The following SLC49A4 variants were observed in gnomAD, a reference collection of about 807,000 sequenced individuals.
SLC49A4 encodes disrupted in renal cancer protein 2.
SLC49A4 carries 36 observed loss-of-function variants against 50.6 expected under a neutral mutation model. That is an observed-to-expected ratio of 0.71 (90% confidence interval 0.55 to 0.94). SLC49A4 has a LOEUF of 0.94. Among genes scored for constraint, SLC49A4 ranks in the 40% least tolerant of loss-of-function variants. The probability of loss-of-function intolerance (pLI) is 0.00; values close to 1 mark genes in which losing one functional copy is unlikely to be tolerated. For missense variants in SLC49A4, 503 were observed against 605.7 expected (o/e 0.83, Z 1.78); for synonymous variants, 248 against 241.2 (o/e 1.03, Z -0.26).
At chr3:122,823,339 C>T (rs1269355982) in intron 2 of SLC49A4, among the ~76,000 whole-genome samples, 1 of 152,228 alleles carries the variant, frequency 6.6e-6, no homozygotes, top group Non-Finnish European at 1.5e-5. Flanking sequence ...ATGCAAAGCC[C>T]TGATATATAG....
intron 3 of SLC49A4, among the ~76,000 whole-genome samples, chr3:122,828,323 G>A (rs1317751729): frequency 3.3e-5 from 5 of 152,174 alleles, no homozygotes; most frequent in Non-Finnish European, 7.4e-5. Flanking sequence ...GCTCGGAGAA[G>A]GAGCACCTAA....
intron 7 of SLC49A4, among the ~76,000 whole-genome samples, chr3:122,862,525 T>G (rs1279463386): frequency 6.6e-6 from 1 of 152,214 alleles, no homozygotes; most frequent in Non-Finnish European, 1.5e-5. Flanking sequence ...GAGCCAGAAT[T>G]TTTTTAAAAT....
chr3:122,799,901 A>G (rs1011463354), intron 1 of SLC49A4, among the ~76,000 whole-genome samples: 2 of 152,226 alleles, frequency 1.3e-5, no homozygotes, highest in Admixed American at 6.5e-5. Flanking sequence ...TACAGCTTCA[A>G]TTTACTAAGT....
At chr3:122,797,417 T>G (rs536755161) in intron 1 of SLC49A4, among the ~76,000 whole-genome samples, 1 of 152,308 alleles carries the variant, frequency 6.6e-6, no homozygotes, top group Non-Finnish European at 1.5e-5. Context: ...GAAGATCAAG[T>G]CAAAGAGGAA....
chr3:122,853,651 T>A (rs2107577080), intron 5 of SLC49A4, among the ~76,000 whole-genome samples: 1 of 152,266 alleles, frequency 6.6e-6, no homozygotes, highest in South Asian at 2.1e-4. Flanking sequence ...TCCCAGCTAC[T>A]TGGGAGTCTG....
intron 6 of SLC49A4, 142 bp from the exon 7 acceptor site, chr3:122,859,933 A>G (rs1304221428): frequency 1.3e-6 from 1 of 766,600 alleles, no homozygotes; most frequent in East Asian, 3.3e-5. Context: ...ATACAAGAAA[A>G]TTTGTTTTAA....
At position 122,875,169 on chromosome 3, in the gene SLC49A4, C is replaced by T. The variant is rs552429655; in HGVS notation, c.1321+2572C>T. On this transcript the variant is annotated intron_variant, in intron 8 of 8. Coordinates refer to ENST00000261038, the MANE Select transcript of SLC49A4 (RefSeq NM_032839.3). ...ATCTAAAAATTCTGTAAAACTGTTTCCTAACAATAACTGTTAGTTCCACAG... is the reference window on the plus strand; with the variant it reads ...ATCTAAAAATTCTGTAAAACTGTTTTCTAACAATAACTGTTAGTTCCACAG... 1.2e-3 allele frequency among the ~76,000 whole-genome samples: 179 copies of T among 152,238 alleles called. 1 individual carries two copies. Among genetic ancestry groups the T allele is most frequent in the Non-Finnish European group, 2.2e-3 (153 of 68,016 alleles).
chr3:122,833,428 G>A lies in SLC49A4; in HGVS notation c.815G>A (p.Ser272Asn), dbSNP rs775894529. The change falls in exon 4 of 9, where the codon AGC becomes AAC. Residue 272 changes from serine to asparagine, a missense_variant. Physicochemically the swap from Ser to Asn is conservative, Grantham distance 46. Transcript: ENST00000261038. ...AGCCAGCGGCTGAGTTATCGGAGAAGCGTTTGTAGATTATTAAGGTAAATA... is the reference window on the plus strand; with the variant it reads ...AGCCAGCGGCTGAGTTATCGGAGAAACGTTTGTAGATTATTAAGGTAAATA... ...AASQRLSYRRSVCRLLSNFRF... is the reference protein window; with the variant it reads ...AASQRLSYRRNVCRLLSNFRF... 6.2e-7 allele frequency: 1 copy of A among 1,613,432 alleles called. No homozygotes were observed. Among genetic ancestry groups the A allele is most frequent in the South Asian group, 1.1e-5 (1 of 91,074 alleles).
chr3:122,851,905 A>G (rs1235186057), intron 5 of SLC49A4, among the ~76,000 whole-genome samples: 1 of 150,388 alleles, frequency 6.6e-6, no homozygotes, highest in Non-Finnish European at 1.5e-5. Context: ...TTTTCTTCCA[A>G]CTCACTATTT....
intron 4 of SLC49A4, among the ~76,000 whole-genome samples, chr3:122,834,892 A>T (rs1002189881): frequency 3.3e-5 from 5 of 152,168 alleles, no homozygotes; most frequent in African/African-American, 1.2e-4. Context: ...CCACAGAAAT[A>T]CAAAAGATCA....
intron 7 of SLC49A4, among the ~76,000 whole-genome samples, chr3:122,868,908 C>A (rs1937156518): frequency 6.6e-6 from 1 of 152,116 alleles, no homozygotes; most frequent in African/African-American, 2.4e-5. Flanking sequence ...CATATAGTAG[C>A]CCATTTGTCC....
intron 2 of SLC49A4, among the ~76,000 whole-genome samples, chr3:122,808,638 G>A (rs1054065160): frequency 6.6e-6 from 1 of 152,116 alleles, no homozygotes; most frequent in Non-Finnish European, 1.5e-5. Context: ...CTTTTTCTGA[G>A]CTAGGAAACC....
At chr3:122,855,375 AAG>A (rs1936974491) in intron 5 of SLC49A4, among the ~76,000 whole-genome samples, 2 of 152,342 alleles carry the variant, frequency 1.3e-5, no homozygotes, top group Non-Finnish European at 1.5e-5. Flanking sequence ...GGGAAGGAGA[AAG>A]AGGAACCAGT....
intron 4 of SLC49A4, among the ~76,000 whole-genome samples, chr3:122,845,172 T>C (rs908061512): frequency 9.2e-5 from 14 of 152,144 alleles, no homozygotes; most frequent in Non-Finnish European, 1.8e-4. Context: ...TGTGTCCATA[T>C]GTACTTGATG....
In SLC49A4 at chr3:122,804,263, C is replaced by T. The variant is rs143399223; in HGVS notation, c.344-2594C>T. 3.2e-3 allele frequency among the ~76,000 whole-genome samples: 491 copies of T among 152,308 alleles called. 4 individuals carry two copies. The highest frequency in any genetic ancestry group is 0.011 in the African/African-American group (472 of 41,558). On this transcript the variant is annotated intron_variant, in intron 1 of 8. Coordinates refer to ENST00000261038, the MANE Select transcript of SLC49A4 (RefSeq NM_032839.3). Reference sequence around the variant, plus strand: ...CACACACTTTTAATGGGCCAGATCTCATCTCCTGTGAACTCAGCAAGAACT... The same window carrying T: ...CACACACTTTTAATGGGCCAGATCTTATCTCCTGTGAACTCAGCAAGAACT...
intron 5 of SLC49A4, among the ~76,000 whole-genome samples, chr3:122,851,762 A>G (rs1271023758): frequency 1.3e-5 from 2 of 152,046 alleles, no homozygotes; most frequent in Non-Finnish European, 2.9e-5. Context: ...TGGGTATTCT[A>G]ACTATATACA....
chr3:122,817,315 G>A (rs1306193498), intron 2 of SLC49A4, among the ~76,000 whole-genome samples: 2 of 152,162 alleles, frequency 1.3e-5, no homozygotes, highest in Non-Finnish European at 2.9e-5. Flanking sequence ...GCCAACGAAT[G>A]CGGGCGGCCA....
At chr3:122,847,581 G>A (rs550532847) in intron 5 of SLC49A4, among the ~76,000 whole-genome samples, 12 of 151,902 alleles carry the variant, frequency 7.9e-5, no homozygotes, top group East Asian at 1.9e-4. Context: ...TCCTGACCTC[G>A]TGATCCGCCC....
At chr3:122,871,597 G>C (rs1160178101) in intron 7 of SLC49A4, among the ~76,000 whole-genome samples, 1 of 152,002 alleles carries the variant, frequency 6.6e-6, no homozygotes, top group Non-Finnish European at 1.5e-5. Context: ...TTAGGATATA[G>C]GGACATGTTT....
Sources: allele counts gnomAD v4.1 joint callset (sites outside exome capture counted in the v4.1 genomes callset), GRCh38; gene constraint gnomAD v4.1.1; transcripts MANE v1.5; gene names NCBI Gene and HGNC (gene_info 2026-07-23, HGNC 2026-07-21).